Variants in RSPH4A observed in about 807,000 individuals in gnomAD.
RSPH4A encodes radial spoke head component 4A, also known as radial spoke head protein 4 homolog A.
A neutral mutation model predicts 71.0 loss-of-function variants in RSPH4A; 47 were observed. The ratio of observed to expected loss-of-function variants is 0.66; its 90% confidence interval spans 0.52 to 0.84. The LOEUF is 0.84. RSPH4A is among the 40% of genes least tolerant of loss of function. RSPH4A has a pLI of 0.00. For synonymous variants in RSPH4A, 282 were observed against 302.3 expected, an observed-to-expected ratio of 0.93 and a Z score of 0.70; for missense variants, 793 against 855.2, an observed-to-expected ratio of 0.93 and a Z score of 0.91.
intron 2 of RSPH4A, 130 bp downstream of exon 2, chr6:116,623,132 C>A: frequency 2.0e-6 from 1 of 493,828 alleles, no homozygotes; most frequent in Admixed American, 4.2e-5. Flanking sequence ...TTTGTTTAGA[C>A]AGGCTCCCAG....
rs1169570115 is a variant in RSPH4A at position 116,627,663 on chromosome 6, C to T, written c.956C>T (p.Ala319Val). 6.2e-7 allele frequency: 1 copy of T among 1,614,158 alleles called. No individual in the cohort carries two copies. Among genetic ancestry groups the T allele is most frequent in the Admixed American group, 1.7e-5 (1 of 60,012 alleles). Reference protein sequence around the residue: ...ENALPNVMESAFYFEQAGVGL... With the variant: ...ENALPNVMESVFYFEQAGVGL... ...GCTCTTCCAAATGTAATGGAGTCAGCTTTTTATTTTGAACAAGCTGGAGTT... is the reference window on the plus strand; with the variant it reads ...GCTCTTCCAAATGTAATGGAGTCAGTTTTTTATTTTGAACAAGCTGGAGTT... Residue 319 changes from alanine (A) to valine (V), a missense_variant, in exon 3 of 6, where the codon GCT becomes GTT. Ala to Val is a moderately conservative substitution (Grantham distance 64, BLOSUM62 0). Transcript: ENST00000229554.
At chr6:116,630,593 T>C in intron 5 of RSPH4A, 41 bp downstream of exon 5, 1 of 924,682 alleles carries the variant, frequency 1.1e-6, no homozygotes, top group Non-Finnish European at 1.8e-6. Flanking sequence ...CTGTGATTAG[T>C]TAAGCTCTGG....
rs1775635841 is a variant in RSPH4A, at chr6:116,623,008, T to A, written c.921+6T>A. 6.7e-7 allele frequency: 1 copy of A among 1,501,834 alleles called. No homozygotes were observed. The highest frequency in any genetic ancestry group is 9.3e-7 in the Non-Finnish European group (1 of 1,077,746). The allele number at this position is 1,501,834 out of a possible 1,614,324, so 93.0% of individuals were successfully genotyped here. On this transcript the variant is annotated splice_donor_region_variant and intron_variant, in intron 2 of 5. Coordinates refer to ENST00000229554, the MANE Select transcript of RSPH4A (RefSeq NM_001010892.3). ...AAGAATTGGAAGATGAAATAGTAAGTCACTACTACAAATTTTAATAATAAA... is the reference window on the plus strand; with the variant it reads ...AAGAATTGGAAGATGAAATAGTAAGACACTACTACAAATTTTAATAATAAA...
rs777825336 is a variant in RSPH4A, at chr6:116,622,752, TTC to T, written c.687-12_687-11del. The T allele has an allele frequency of 2.0e-6, 3 of 1,485,784 alleles. No individual in the cohort carries two copies. Among genetic ancestry groups the T allele is most frequent in the Non-Finnish European group, 2.8e-6 (3 of 1,064,224 alleles). The allele number at this position is 1,485,784 out of a possible 1,614,324, so 92.0% of individuals were successfully genotyped here. On this transcript the variant is annotated splice_polypyrimidine_tract_variant and intron_variant, in intron 1 of 5. Transcript: ENST00000229554. ...CTTGACATGTATATTATCTGGAATT[TTC>T]TCTGTTTGGATAGATATGATCATCT...
At position 116,627,736 on chromosome 6, in the gene RSPH4A, G is replaced by T. The variant is rs1562391525; in HGVS notation, c.1029G>T (p.Gln343His). The change falls in exon 3 of 6, where the codon CAG becomes CAT. Residue 343 changes from glutamine (Q) to histidine (H), a missense_variant. Coordinates refer to ENST00000229554, the MANE Select transcript of RSPH4A (RefSeq NM_001010892.3). ...ETYRIFLALK[Q>H]LTDTHPIQRC... ...ACCGCATATTTCTTGCCCTCAAGCA[G>T]CTTACTGATACCCACCCAATCCAAA... 1 of 1,614,190 alleles carries T rather than the reference G, an allele frequency of 6.2e-7. No homozygotes were observed. The highest frequency in any genetic ancestry group is 2.2e-5 in the East Asian group (1 of 44,884).
chr6:116,623,430 T>A (rs1775645371), intron 2 of RSPH4A, among the ~76,000 whole-genome samples: 1 of 152,176 alleles, frequency 6.6e-6, no homozygotes, highest in Admixed American at 6.6e-5. Context: ...TTTTAAAAAT[T>A]CTTCAAGTCC....
At position 116,627,954 on chromosome 6, in the gene RSPH4A, CTA is replaced by C; in HGVS notation, c.1250_1251del (p.Ile417ThrfsTer6). On this transcript the variant is annotated frameshift_variant, in exon 3 of 6. Transcript: ENST00000229554. LOFTEE classifies it high-confidence loss of function. Reference sequence around the variant, plus strand: ...AAGTCCTTTTACAAGGCCCCACAGGCTATACCAAAAGAAGAAAGTAGAACAGG... The same window carrying C: ...AAGTCCTTTTACAAGGCCCCACAGGCTACCAAAAGAAGAAAGTAGAACAGG... The C allele has an allele frequency of 1.9e-6, 3 of 1,614,156 alleles. No individual in the cohort carries two copies. The highest frequency in any genetic ancestry group is 2.5e-6 in the Non-Finnish European group (3 of 1,180,024).
chr6:116,632,691 G>T lies in RSPH4A; in HGVS notation c.*250G>T, dbSNP rs58311062. On this transcript the variant is annotated 3_prime_UTR_variant, in exon 6 of 6. Coordinates refer to ENST00000229554, the MANE Select transcript of RSPH4A (RefSeq NM_001010892.3). ...ATGCAATTGCATAATTGTTCTGAGG[G>T]TTATGGATAATGGAATATGTGTTTG... The T allele has an allele frequency of 2.7e-3, 1,210 of 451,742 alleles. 13 individuals are homozygous for T. Among genetic ancestry groups the T allele is most frequent in the African/African-American group, 0.022 (1,128 of 50,184 alleles). 28.0% of individuals were successfully genotyped at this position (451,742 alleles called of 1,614,324 possible). A position where few individuals can be genotyped will look rare whatever the true frequency, so the allele number is the denominator to read the frequency against.
At chr6:116,626,567 T>TACTGACCTTGTGATCC (rs1224705096) in intron 2 of RSPH4A, among the ~76,000 whole-genome samples, 1 of 152,130 alleles carries the variant, frequency 6.6e-6, no homozygotes, top group Non-Finnish European at 1.5e-5. Context: ...GGTCTCGATC[T>TACTGACCTTGTGATCC]ACTGACCTTG....
Position 116,616,613 on chromosome 6 carries a change from G to C in RSPH4A, c.-11G>C. 6.2e-7 allele frequency: 1 copy of C among 1,603,916 alleles called. No individual in the cohort carries two copies. The highest frequency in any genetic ancestry group is 8.5e-7 in the Non-Finnish European group (1 of 1,175,118). On this transcript the variant is annotated 5_prime_UTR_variant, in exon 1 of 6. Coordinates refer to ENST00000229554, the MANE Select transcript of RSPH4A (RefSeq NM_001010892.3). ...TTTCATCCAGAACATTTTTTTTCTT[G>C]AACTGCTTCCATGGAGGACTCAACC...
At chr6:116,621,367 T>C (rs1297891034) in intron 1 of RSPH4A, among the ~76,000 whole-genome samples, 1 of 152,158 alleles carries the variant, frequency 6.6e-6, no homozygotes, top group Non-Finnish European at 1.5e-5. Context: ...GGTCATTAGA[T>C]AAATAGAGAC....
chr6:116,625,053 TAA>T, intron 2 of RSPH4A, among the ~76,000 whole-genome samples: 1 of 18,070 alleles, frequency 5.5e-5, no homozygotes, highest in East Asian at 8.0e-4. Flanking sequence ...TTCCAAGCCT[TAA>T]GGATAATCAA....
In RSPH4A at chr6:116,622,874, A is replaced by G; in HGVS notation, c.793A>G (p.Ser265Gly). The change falls in exon 2 of 6, where the codon AGT becomes GGT. Residue 265 changes from serine to glycine, a missense_variant. By Grantham distance (56) the Ser-to-Gly change is moderately conservative. Coordinates refer to ENST00000229554, the MANE Select transcript of RSPH4A (RefSeq NM_001010892.3). ...ISQDVKMAHF[S>G]KKFDALQNEN... ...CCAAGATGTGAAGATGGCACATTTT[A>G]GTAAAAAATTTGATGCACTACAAAA... is the stretch of plus-strand genomic sequence containing the variant. 6.2e-7 allele frequency: 1 copy of G among 1,613,290 alleles called. No homozygotes were observed. Among genetic ancestry groups the G allele is most frequent in the East Asian group, 2.2e-5 (1 of 44,852 alleles).
At chr6:116,630,856 T>TC (rs1220629143) in intron 5 of RSPH4A, among the ~76,000 whole-genome samples, 15 of 139,742 alleles carry the variant, frequency 1.1e-4, no homozygotes, top group Admixed American at 7.1e-5. Flanking sequence ...TATTTTTTTT[T>TC]TTTTTTTTTT....
rs2115368533 is a variant in RSPH4A at position 116,632,345 on chromosome 6, G to C, written c.2055G>C (p.Glu685Asp). ...ITEMDDPSVE[E>D]EQAFRAAQEA... is the part of the protein sequence containing the mutation. ...AAATGGATGATCCTAGTGTGGAGGA[G>C]GAGCAGGCTTTCAGGGCTGCACAAG... Residue 685 changes from glutamate to aspartate, a missense_variant, in exon 6 of 6, where the codon GAG becomes GAC. Transcript: ENST00000229554. 6.2e-7 allele frequency: 1 copy of C among 1,614,090 alleles called. No individual in the cohort carries two copies. Among genetic ancestry groups the C allele is most frequent in the Non-Finnish European group, 8.5e-7 (1 of 1,180,008 alleles).
In RSPH4A at chr6:116,628,018, A is replaced by G; in HGVS notation, c.1311A>G (p.Pro437=). ...NKYVYFVCNE[P]GRPWVKLPPV... is the part of the protein sequence containing the mutation. ...ATGTCTATTTTGTTTGCAATGAACC[A>G]GGAAGACCATGGGTGAAGTTACCAC... is the stretch of plus-strand genomic sequence containing the variant. The change falls in exon 3 of 6, where the codon CCA becomes CCG. Residue 437 remains proline, a synonymous_variant. Coordinates refer to ENST00000229554, the MANE Select transcript of RSPH4A (RefSeq NM_001010892.3). 1 of 1,614,270 alleles carries G rather than the reference A, an allele frequency of 6.2e-7. No individual in the cohort carries two copies.
rs754223456 is a variant in RSPH4A, at chr6:116,617,163, T to C, written c.540T>C (p.Val180=). The C allele has an allele frequency of 5.0e-6, 8 of 1,614,000 alleles. No homozygotes were observed. The Admixed American group carries it at 1.3e-4, about 27-fold the overall frequency. The change falls in exon 1 of 6, where the codon GTT becomes GTC. Residue 180 remains valine, a synonymous_variant. Coordinates refer to ENST00000229554, the MANE Select transcript of RSPH4A (RefSeq NM_001010892.3). ...AACAGAAAGAGCTGAGATTTGACGT[T>C]TTTCAGGAGGAAGACTCAAACAGTG... ...NAKQKELRFD[V]FQEEDSNSDY...
chr6:116,630,756 T>C (rs1178376036), intron 5 of RSPH4A, among the ~76,000 whole-genome samples: 2 of 122,814 alleles, frequency 1.6e-5, no homozygotes, highest in African/African-American at 3.1e-5. Context: ...CACTGCAACC[T>C]CCGCCTCCTG....
At position 116,628,260 on chromosome 6, in the gene RSPH4A, G is replaced by C. The variant is rs1326856617; in HGVS notation, c.1553G>C (p.Gly518Ala). Residue 518 changes from glycine (G) to alanine (A), a missense_variant, in exon 3 of 6, where the codon GGT (glycine) becomes GCT (alanine). Coordinates refer to ENST00000229554, the MANE Select transcript of RSPH4A (RefSeq NM_001010892.3). The part of the protein sequence containing the change: ...EEGEEEEEAE[G>A]GRNSFEENPD... The stretch of plus-strand genomic sequence containing the variant: ...GGAGAGGAGGAGGAAGAGGCAGAAG[G>C]TGGGCGAAATAGCTTTGAGGAAAAC... 1.9e-6 allele frequency: 3 copies of C among 1,611,936 alleles called. No homozygotes were observed. Among genetic ancestry groups the C allele is most frequent in the Non-Finnish European group, 2.5e-6 (3 of 1,178,552 alleles).
Sources: allele counts gnomAD v4.1 joint callset (sites outside exome capture counted in the v4.1 genomes callset), GRCh38; gene constraint gnomAD v4.1.1; transcripts MANE v1.5; gene names NCBI Gene and HGNC (gene_info 2026-07-23, HGNC 2026-07-21).